Variants in PCNX4 observed in about 807,000 individuals in gnomAD.
PCNX4 encodes the protein pecanex 4.
In PCNX4, 103 loss-of-function variants were observed where a neutral mutation model predicts 107.2. The ratio of observed to expected loss-of-function variants is 0.96; its 90% CI spans 0.82 to 1.13. The LOEUF is 1.13. PCNX4 is among the 50% of genes most tolerant of loss of function. PCNX4 has a pLI of 0.00. For synonymous variants in PCNX4, 541 were observed against 481.7 expected (o/e 1.12, Z -1.61); for missense variants, 1,528 against 1,379.4 (o/e 1.11, Z -1.71).
intron 7 of PCNX4, 35 bp from the exon 8 acceptor site, chr14:60,121,158 TTTC>T (rs1175783974): frequency 6.4e-7 from 1 of 1,551,222 alleles, no homozygotes; most frequent in African/African-American, 1.4e-5. Context: ...TGAAAATGAT[TTTC>T]TTTTTTTTTT....
Position 60,114,693 on chromosome 14 carries a change from T to TA in PCNX4, c.690-6dup, listed in dbSNP as rs761067330. On this transcript the variant is annotated splice_region_variant and splice_polypyrimidine_tract_variant and intron_variant, in intron 2 of 10. Coordinates refer to ENST00000406854, the MANE Select transcript of PCNX4 (RefSeq NM_001330177.2). ...GTGTGATTTAAATGTTCTTTTTTTT[T>TA]ATATAGGTTTGTGGTAAATATGCCA... The TA allele has an allele frequency of 2.5e-6, 4 of 1,598,548 alleles. No individual in the cohort carries two copies. The highest frequency in any genetic ancestry group is 3.5e-5 in the Admixed American group (2 of 57,186).
intron 2 of PCNX4, 125 bp downstream of exon 2, chr14:60,108,452 A>G: frequency 1.5e-6 from 1 of 667,424 alleles, no homozygotes. Flanking sequence ...ATTGGGTGAC[A>G]GGTTATTTTG....
Position 60,114,962 on chromosome 14 carries a change from T to C in PCNX4, c.870-12T>C. On this transcript the variant is annotated splice_polypyrimidine_tract_variant and intron_variant, in intron 3 of 10. Coordinates refer to ENST00000406854, the MANE Select transcript of PCNX4 (RefSeq NM_001330177.2). ...TCAAGTAAATATTTTTTTCTTTTTT[T>C]TTTCTGTACAGGTTATTAGTAATGT... The C allele has an allele frequency of 6.4e-7, 1 of 1,565,052 alleles. No homozygotes were observed. Among genetic ancestry groups the C allele is most frequent in the Non-Finnish European group, 8.6e-7 (1 of 1,161,958 alleles).
rs763203192 is a variant in PCNX4 at position 60,115,717 on chromosome 14, A to G, written c.1358-2A>G. On this transcript the variant is annotated splice_acceptor_variant, in intron 4 of 10. Transcript: ENST00000406854. LOFTEE classifies it high-confidence loss of function. ...AATTTCTCTCTTTTTGTTTTGTTTT[A>G]GTATCACCTTTTGCCATGATAGCAT... 5.6e-6 allele frequency: 9 copies of G among 1,608,532 alleles called. No individual in the cohort carries two copies. The highest frequency in any genetic ancestry group is 5.0e-5 in the Admixed American group (3 of 59,614).
At chr14:60,105,163 TG>T (rs1381348453) in intron 1 of PCNX4, among the ~76,000 whole-genome samples, 1 of 152,216 alleles carries the variant, frequency 6.6e-6, no homozygotes, top group African/African-American at 2.4e-5. Flanking sequence ...TTCAGATTTG[TG>T]ATGCCTAACC....
intron 1 of PCNX4, among the ~76,000 whole-genome samples, chr14:60,102,042 G>C (rs1230640533): frequency 6.6e-6 from 1 of 152,226 alleles, no homozygotes; most frequent in East Asian, 1.9e-4. Context: ...AAATCAGTGA[G>C]TAGAATGGTG....
intron 2 of PCNX4, chr14:60,110,101 A>C (rs1182385226): frequency 6.0e-6 from 1 of 167,126 alleles, no homozygotes. Flanking sequence ...GAGAACACCA[A>C]AAGTGTGGGG....
intron 8 of PCNX4, among the ~76,000 whole-genome samples, chr14:60,123,012 G>A (rs775998859): frequency 6.6e-6 from 1 of 152,042 alleles, no homozygotes; most frequent in African/African-American, 2.4e-5. Flanking sequence ...TCTAGGGGTG[G>A]GATCAGCAAC....
intron 8 of PCNX4, among the ~76,000 whole-genome samples, chr14:60,121,664 A>G (rs1895958644): frequency 6.6e-6 from 1 of 152,128 alleles, no homozygotes; most frequent in Non-Finnish European, 1.5e-5. Context: ...CCTACCTGCT[A>G]TACCCTATTT....
intron 10 of PCNX4, among the ~76,000 whole-genome samples, chr14:60,127,155 A>G (rs1016053758): frequency 1.3e-5 from 2 of 152,232 alleles, no homozygotes; most frequent in Non-Finnish European, 2.9e-5. Context: ...GATAGTGTCA[A>G]AAAAAGAAAA....
Position 60,118,319 on chromosome 14 carries a change from A to G in PCNX4, c.1579-10A>G, listed in dbSNP as rs772263632. Reference sequence around the variant, plus strand: ...AAGGATAAATAAAAATAATTTTTACATTTCTACAGGTTGGTATCATACGTG... The same window carrying G: ...AAGGATAAATAAAAATAATTTTTACGTTTCTACAGGTTGGTATCATACGTG... On this transcript the variant is annotated splice_polypyrimidine_tract_variant and intron_variant, in intron 6 of 10. Transcript: ENST00000406854. The G allele has an allele frequency of 1.3e-6, 2 of 1,561,188 alleles. No homozygotes were observed. Among genetic ancestry groups the G allele is most frequent in the South Asian group, 2.4e-5 (2 of 83,836 alleles).
chr14:60,124,274 A>G lies in PCNX4; in HGVS notation c.2103A>G (p.Glu701=). Residue 701 remains glutamate (E), a synonymous_variant, in exon 9 of 11, where the codon GAA becomes GAG. Coordinates refer to ENST00000406854, the MANE Select transcript of PCNX4 (RefSeq NM_001330177.2). ...CHTAEARRVD[E]VFEDAFEQEY... ...CTGCAGAAGCTCGCAGAGTTGATGA[A>G]GTTTTTGAAGATGCTTTTGAGCAAG... The G allele has an allele frequency of 6.2e-7, 1 of 1,605,902 alleles. No homozygotes were observed. The highest frequency in any genetic ancestry group is 8.5e-7 in the Non-Finnish European group (1 of 1,175,636).
At position 60,116,036 on chromosome 14, in the gene PCNX4, G is replaced by A. The variant is rs1167939290; in HGVS notation, c.1554G>A (p.Leu518=). 3.1e-6 allele frequency: 5 copies of A among 1,611,598 alleles called. No individual in the cohort carries two copies. The highest frequency in any genetic ancestry group is 4.5e-5 in the East Asian group (2 of 44,836). The change falls in exon 6 of 11, where the codon CTG becomes CTA. Residue 518 remains leucine, a synonymous_variant. Transcript: ENST00000406854. ...SSTDIWWNRS[L]DTGLRLLLVG... ...CAGACATATGGTGGAACAGAAGCCTGGATACAGGACTCAGACTCTTACTGG... is the reference window on the plus strand; with the variant it reads ...CAGACATATGGTGGAACAGAAGCCTAGATACAGGACTCAGACTCTTACTGG...
intron 1 of PCNX4, among the ~76,000 whole-genome samples, chr14:60,107,250 A>G (rs867764498): frequency 6.6e-6 from 1 of 152,104 alleles, no homozygotes. Context: ...GCATAGGGGC[A>G]TGTGCCTATA....
At position 60,145,190 on chromosome 14, in the gene PCNX4, G is replaced by T. The variant is rs557102264; in HGVS notation, c.*10969G>T. On this transcript the variant is annotated 3_prime_UTR_variant, in exon 11 of 11. Coordinates refer to ENST00000406854, the MANE Select transcript of PCNX4 (RefSeq NM_001330177.2). This position sits in a 1 kb window ranked among gnomAD's most constrained non-coding sequence, Gnocchi z 4.0. ...AAAAATCATAGCCAAAATTCTAGAT[G>T]TACACAAAAGTACTTCTAATGAGTT... 21 of 464,586 alleles carry T rather than the reference G, an allele frequency of 4.5e-5. No homozygotes were observed. The South Asian group carries it at 9.8e-4, about 22-fold the overall frequency. 28.8% of individuals were successfully genotyped at this position (464,586 alleles called of 1,614,324 possible). A position where few individuals can be genotyped will look rare whatever the true frequency, so the allele number is the denominator to read the frequency against.
At chr14:60,096,145 A>G (rs867891805) in intron 1 of PCNX4, among the ~76,000 whole-genome samples, 6 of 52,720 alleles carry the variant, frequency 1.1e-4, no homozygotes, top group African/African-American at 2.3e-4. Flanking sequence ...GGTGTGACAG[A>G]TATCTGGGTT....
In PCNX4 at chr14:60,134,146, T is replaced by TA. The variant is rs772951326; in HGVS notation, c.3445dup (p.Thr1149AsnfsTer53). On this transcript the variant is annotated frameshift_variant, in exon 11 of 11. Coordinates refer to ENST00000406854, the MANE Select transcript of PCNX4 (RefSeq NM_001330177.2). LOFTEE classifies it high-confidence loss of function. ...CTCATCCACTACTTTTAAGAAATCT[T>TA]ACGGTACAAGCAGCAGAACCTCCCC... The TA allele has an allele frequency of 2.0e-5, 32 of 1,613,726 alleles. No individual in the cohort carries two copies. The highest frequency in any genetic ancestry group is 1.5e-4 in the Admixed American group (9 of 60,006).
At chr14:60,118,307 A>G in intron 6 of PCNX4, 22 bp from the exon 7 acceptor site, 1 of 1,538,166 alleles carries the variant, frequency 6.5e-7, no homozygotes, top group African/African-American at 1.4e-5. Context: ...GATAAATAAA[A>G]ATAATTTTTA....
Position 60,115,798 on chromosome 14 carries a change from A to G in PCNX4, c.1437A>G (p.Gly479=). ...TCCACTCAGTGTCTGTCTGTATTGG[A>G]TTCACAAGAGCCTTTAGAATGGTAA... ...QGLHSVSVCI[G]FTRAFRMVWQ... Residue 479 remains glycine (G), a synonymous_variant, in exon 5 of 11, where the codon GGA becomes GGG. Transcript: ENST00000406854. 6.2e-7 allele frequency: 1 copy of G among 1,612,302 alleles called. No individual in the cohort carries two copies. The highest frequency in any genetic ancestry group is 8.5e-7 in the Non-Finnish European group (1 of 1,178,556).
Sources: gnomAD v4.1 joint callset for allele counts (sites outside exome capture counted in the v4.1 genomes callset) on GRCh38, gnomAD v4.1.1 for gene constraint, Gnocchi (gnomAD v3.1) non-coding constraint, MANE v1.5 for transcripts, NCBI Gene and HGNC (gene_info 2026-07-23, HGNC 2026-07-21) for gene names.